Variants in TANC2 observed in about 807,000 individuals in gnomAD.
TANC2 encodes tetratricopeptide repeat, ankyrin repeat and coiled-coil containing 2, also known as protein TANC2.
Under a neutral mutation model 210.5 loss-of-function variants are expected in TANC2, and 26 were observed. That is an observed-to-expected ratio of 0.12 (90% CI 0.09 to 0.17). The LOEUF is 0.17. TANC2 is among the 10% of genes least tolerant of loss of function. The pLI is 1.00. For synonymous variants in TANC2, 931 were observed against 967.1 expected (o/e 0.96, Z 0.69); for missense variants, 2,129 against 2,608.9 (o/e 0.82, Z 4.01).
intron 5 of TANC2, among the ~76,000 whole-genome samples, chr17:63,163,739 T>G (rs1055435839): frequency 2.6e-5 from 4 of 152,212 alleles, no homozygotes; most frequent in Admixed American, 6.5e-5. Flanking sequence ...CCTGTATTCA[T>G]AGACCTCGTA....
intron 26 of TANC2, among the ~76,000 whole-genome samples, chr17:63,417,171 G>A (rs2048889463): frequency 6.6e-6 from 1 of 152,162 alleles, no homozygotes; most frequent in Non-Finnish European, 1.5e-5. Context: ...GGCCAATACT[G>A]TGCCAAACAC....
At chr17:63,188,664 C>G (rs1282819936) in intron 5 of TANC2, among the ~76,000 whole-genome samples, 2 of 151,844 alleles carry the variant, frequency 1.3e-5, no homozygotes, top group Non-Finnish European at 2.9e-5. Context: ...TGTCATTTTC[C>G]CATATAACTC....
chr17:63,364,981 CG>C (rs1213476404), intron 14 of TANC2, among the ~76,000 whole-genome samples: 2 of 151,938 alleles, frequency 1.3e-5, no homozygotes, highest in Admixed American at 6.6e-5. Context: ...GTAGGGCAGG[CG>C]ATTAAGGGAA....
intron 9 of TANC2, among the ~76,000 whole-genome samples, chr17:63,276,427 T>C (rs2043875118): frequency 6.6e-6 from 1 of 151,996 alleles, no homozygotes; most frequent in Non-Finnish European, 1.5e-5. Flanking sequence ...CTCTACATTT[T>C]CAGGTATTAA....
intron 25 of TANC2, among the ~76,000 whole-genome samples, chr17:63,413,978 G>C: frequency 6.6e-6 from 1 of 152,150 alleles, no homozygotes; most frequent in Admixed American, 6.5e-5. Context: ...CCAGTATGTT[G>C]ATCCTAGCTT....
At chr17:63,080,893 T>G (rs1260016385) in intron 3 of TANC2, among the ~76,000 whole-genome samples, 1 of 152,182 alleles carries the variant, frequency 6.6e-6, no homozygotes, top group East Asian at 1.9e-4. Context: ...TAATCCTCAT[T>G]TAATTATCAG....
At chr17:63,411,946 A>G in intron 22 of TANC2, 52 bp from the exon 23 acceptor site, 1 of 1,599,990 alleles carries the variant, frequency 6.3e-7, no homozygotes, top group Non-Finnish European at 8.5e-7. Flanking sequence ...TCGGTGGAAC[A>G]GTGCTGAGCC....
rs182445198 is a variant in TANC2, at chr17:63,171,806, G to A, written c.433+20426G>A. On this transcript the variant is annotated intron_variant, in intron 5 of 27. Transcript: ENST00000689528. ...AAGACTTACTCTTCTGTTAATCCCT[G>A]TAAATCCTCTTTGGTACTGTGGAAC... is the stretch of plus-strand genomic sequence containing the variant. Among the ~76,000 whole-genome samples, 4 of 152,336 alleles carry A rather than the reference G, an allele frequency of 2.6e-5. No individual in the cohort carries two copies. The East Asian group carries it at 7.7e-4, about 29-fold the overall frequency.
chr17:63,283,227 T>C (rs947324934), intron 9 of TANC2, among the ~76,000 whole-genome samples: 2 of 152,036 alleles, frequency 1.3e-5, no homozygotes, highest in Non-Finnish European at 2.9e-5. Flanking sequence ...TTGTAAAGAC[T>C]ATTCATCTAC....
At chr17:63,261,425 CACTT>C (rs1472005412) in intron 8 of TANC2, among the ~76,000 whole-genome samples, 2 of 152,122 alleles carry the variant, frequency 1.3e-5, no homozygotes, top group African/African-American at 4.8e-5. Flanking sequence ...ACAAAGCTGA[CACTT>C]ACATCTCCAT....
intron 6 of TANC2, 103 bp downstream of exon 6, chr17:63,194,242 T>G (rs1470351495): frequency 5.2e-6 from 6 of 1,157,750 alleles, no homozygotes; most frequent in Non-Finnish European, 7.0e-6. Context: ...AGAATACAAC[T>G]TAACTTTCCA....
intron 2 of TANC2, among the ~76,000 whole-genome samples, chr17:63,051,893 G>A (rs1308282684): frequency 6.6e-6 from 1 of 152,104 alleles, no homozygotes. Context: ...TGTTCTGTAG[G>A]TTAGTTGTAT....
chr17:63,240,575 T>G (rs983908984), intron 8 of TANC2, among the ~76,000 whole-genome samples: 2 of 152,176 alleles, frequency 1.3e-5, no homozygotes, highest in African/African-American at 2.4e-5. Flanking sequence ...AAGTGCTCCC[T>G]CTCTAGTTGT....
intron 5 of TANC2, chr17:63,153,867 C>T (rs1296375685): frequency 1.3e-5 from 2 of 152,154 alleles, no homozygotes; most frequent in African/African-American, 2.4e-5. Context: ...TGTGTACCCA[C>T]GTCTAACTTT....
intron 14 of TANC2, among the ~76,000 whole-genome samples, chr17:63,378,579 A>G (rs184875761): frequency 3.7e-4 from 56 of 152,314 alleles, no homozygotes; most frequent in Non-Finnish European, 5.7e-4. Flanking sequence ...TTGCAAGAAA[A>G]CTAAGGCAGT....
chr17:63,100,204 G>T (rs2037568829), intron 4 of TANC2, among the ~76,000 whole-genome samples: 1 of 152,092 alleles, frequency 6.6e-6, no homozygotes, highest in African/African-American at 2.4e-5. Context: ...AGAGAAGTTT[G>T]ATTATCATTA....
chr17:63,399,055 A>G, intron 19 of TANC2, 141 bp downstream of exon 19: 1 of 526,456 alleles, frequency 1.9e-6, no homozygotes, highest in Non-Finnish European at 3.4e-6. Flanking sequence ...CAGCCAAACT[A>G]AACAGTCAAG....
At chr17:63,106,405 A>C (rs2144977672) in intron 4 of TANC2, among the ~76,000 whole-genome samples, 1 of 151,752 alleles carries the variant, frequency 6.6e-6, no homozygotes, top group South Asian at 2.1e-4. Flanking sequence ...GGCAGAGGAT[A>C]GAATCAGTGG....
At chr17:63,060,957 C>T (rs1001443828) in intron 2 of TANC2, among the ~76,000 whole-genome samples, 1 of 152,072 alleles carries the variant, frequency 6.6e-6, no homozygotes, top group Non-Finnish European at 1.5e-5. Context: ...CCTACAGTCC[C>T]AGCTACTTGG....
Sources: allele counts gnomAD v4.1 joint callset (sites outside exome capture counted in the v4.1 genomes callset), GRCh38; gene constraint gnomAD v4.1.1; transcripts MANE v1.5; gene names NCBI Gene and HGNC (gene_info 2026-07-23, HGNC 2026-07-21).